Variants in EBLN1 observed in about 807,000 individuals in gnomAD.
The protein encoded by EBLN1 is endogenous Bornavirus-like nucleoprotein 1.
Under a neutral mutation model 0.8 loss-of-function variants are expected in EBLN1, and 1 was observed. The observed-to-expected ratio is 1.32, with a 90% CI of 0.47 to 6.26. EBLN1 has a LOEUF of 6.26. Ranked by LOEUF, EBLN1 falls within the 30% of genes most tolerant of loss-of-function variation. The pLI is 0.15. For synonymous variants in EBLN1, 158 were observed against 158.5 expected (o/e 1.00, Z 0.02); for missense variants, 396 against 447.9 (o/e 0.88, Z 1.05).
At position 22,210,094 on chromosome 10, in the gene EBLN1, T is replaced by A. The variant is rs540907515; in HGVS notation, c.-44-67A>T. 42 of 1,207,248 alleles carry A rather than the reference T, an allele frequency of 3.5e-5. No individual in the cohort carries two copies. In the East Asian group the frequency reaches 3.7e-4, roughly 11 times the overall value. The allele number at this position is 1,207,248 out of a possible 1,614,324, so 74.8% of individuals were successfully genotyped here. A position where few individuals can be genotyped will look rare whatever the true frequency, so the allele number is the denominator to read the frequency against. Reference sequence around the variant, plus strand: ...AAATTACATTTATTAATAAAATGTATTATGACTTCTGTATCTCATTTACTT... The same window carrying A: ...AAATTACATTTATTAATAAAATGTAATATGACTTCTGTATCTCATTTACTT... On this transcript the variant is annotated intron_variant, in intron 2 of 2. Coordinates refer to ENST00000422359, the MANE Select transcript of EBLN1 (RefSeq NM_001394757.1).
rs1834715888 is a variant in EBLN1 at position 22,208,797 on chromosome 10, T to C, written c.*86A>G. ...AGAGACAGACCAAGATTGAAAACAA[T>C]AGGCAACACTCAGATACTATTTTAG... On this transcript the variant is annotated 3_prime_UTR_variant, in exon 3 of 3. Coordinates refer to ENST00000422359, the MANE Select transcript of EBLN1 (RefSeq NM_001394757.1). 24 of 1,359,768 alleles carry C rather than the reference T, an allele frequency of 1.8e-5. No individual in the cohort carries two copies. In the South Asian group the frequency reaches 1.9e-4, roughly 11 times the overall value. The allele number at this position is 1,359,768 out of a possible 1,614,324, so 84.2% of individuals were successfully genotyped here. A position where few individuals can be genotyped will look rare whatever the true frequency, so the allele number is the denominator to read the frequency against.
intron 1 of EBLN1, among the ~76,000 whole-genome samples, chr10:22,214,616 G>A (rs1255999048): frequency 1.3e-5 from 2 of 152,140 alleles, no homozygotes; most frequent in African/African-American, 4.8e-5. Context: ...AATACTTTCT[G>A]CAAGTATACA....
chr10:22,210,086 A>G, intron 2 of EBLN1, 59 bp from the exon 3 acceptor site: 1 of 1,228,376 alleles, frequency 8.1e-7, no homozygotes, highest in Non-Finnish European at 1.0e-6. Context: ...ATTTATTAAT[A>G]AAATGTATTA....
chr10:22,214,766 A>G (rs1272005352), intron 1 of EBLN1, among the ~76,000 whole-genome samples: 2 of 152,176 alleles, frequency 1.3e-5, no homozygotes, highest in Non-Finnish European at 2.9e-5. Flanking sequence ...TTACCGTAGG[A>G]CCCACCAACT....
Position 22,209,111 on chromosome 10 carries a change from C to G in EBLN1, c.873G>C (p.Gly291=). Residue 291 remains glycine (G), a synonymous_variant, in exon 3 of 3, where the codon GGG becomes GGC. Transcript: ENST00000422359. The part of the protein sequence containing the change: ...FGGVLRHPVI[G]VLSPQMFPNL... ...TTGGGAACATTTGTGGTGATAGCAC[C>G]CCAATAACAGGGTGGCGAAGTACAC... 1 of 1,536,272 alleles carries G rather than the reference C, an allele frequency of 6.5e-7. No homozygotes were observed. The highest frequency in any genetic ancestry group is 8.7e-7 in the Non-Finnish European group (1 of 1,146,898).
intron 1 of EBLN1, among the ~76,000 whole-genome samples, chr10:22,214,884 A>G (rs1222204632): frequency 6.6e-6 from 1 of 152,124 alleles, no homozygotes; most frequent in Non-Finnish European, 1.5e-5. Context: ...AGTAGAAACA[A>G]CTCCAATATC....
In EBLN1 at chr10:22,209,232, G is replaced by C. The variant is rs1443058578; in HGVS notation, c.752C>G (p.Ser251Cys). 1.3e-6 allele frequency: 2 copies of C among 1,552,080 alleles called. No homozygotes were observed. Among genetic ancestry groups the C allele is most frequent in the African/African-American group, 2.7e-5 (2 of 73,762 alleles). ...CAACACAACAGCGGGTAAAGCAGTG[G>C]AACCATCCACACACTGATCCAGGAA... ...RMFLDQCVDG[S>C]TALPAVVLEI... The change falls in exon 3 of 3, where the codon TCC becomes TGC. Residue 251 changes from serine to cysteine, a missense_variant. Physicochemically the swap from Ser to Cys is moderately radical, Grantham distance 112 (BLOSUM62 -1). Transcript: ENST00000422359.
intron 2 of EBLN1, among the ~76,000 whole-genome samples, chr10:22,211,184 T>G (rs1474411625): frequency 6.6e-6 from 1 of 152,212 alleles, no homozygotes; most frequent in Non-Finnish European, 1.5e-5. Context: ...TTTTGTCATG[T>G]TCTTAACTGT....
chr10:22,214,543 T>G (rs1834777085), intron 1 of EBLN1, among the ~76,000 whole-genome samples: 1 of 152,148 alleles, frequency 6.6e-6, no homozygotes. Flanking sequence ...AATGTAGAAC[T>G]GAAAAATATT....
rs1024713275 is a variant in EBLN1, at chr10:22,209,666, A to G, written c.318T>C (p.Ile106=). ...VGVSKRSNIV[I]GNENKETGTL... ...TACCTGTTTCCTTGTTCTCATTCCCAATCACAATATTAGACCTTTTGCTCA... is the reference window on the plus strand; with the variant it reads ...TACCTGTTTCCTTGTTCTCATTCCCGATCACAATATTAGACCTTTTGCTCA... Residue 106 remains isoleucine, a synonymous_variant, in exon 3 of 3, where the codon ATT becomes ATC. Transcript: ENST00000422359. 5 of 1,535,850 alleles carry G rather than the reference A, an allele frequency of 3.3e-6. No homozygotes were observed. Among genetic ancestry groups the G allele is most frequent in the East Asian group, 2.4e-5 (1 of 40,916 alleles).
chr10:22,209,121 G>C lies in EBLN1; in HGVS notation c.863C>G (p.Pro288Arg). The C allele has an allele frequency of 6.5e-7, 1 of 1,536,200 alleles. No homozygotes were observed. The highest frequency in any genetic ancestry group is 8.7e-7 in the Non-Finnish European group (1 of 1,146,908). The change falls in exon 3 of 3, where the codon CCT (proline) becomes CGT (arginine). Residue 288 changes from proline to arginine, a missense_variant. By Grantham distance (103) the Pro-to-Arg change is moderately radical. Coordinates refer to ENST00000422359, the MANE Select transcript of EBLN1 (RefSeq NM_001394757.1). ...FFEFGGVLRH[P>R]VIGVLSPQMF... ...TTGTGGTGATAGCACCCCAATAACA[G>C]GGTGGCGAAGTACACCCCCAAATTC...
rs1186619157 is a variant in EBLN1 at position 22,212,406 on chromosome 10, G to A, written c.-45+436C>T. On this transcript the variant is annotated intron_variant, in intron 2 of 2. Coordinates refer to ENST00000422359, the MANE Select transcript of EBLN1 (RefSeq NM_001394757.1). ...CCTTATCTTATAAAATGCCGTAGCA[G>A]TAGGATACATATACTAAATAACCTT... Among the ~76,000 whole-genome samples the A allele has an allele frequency of 2.0e-5, 3 of 152,216 alleles. No individual in the cohort carries two copies. The East Asian group carries it at 5.8e-4, about 29-fold the overall frequency.
chr10:22,214,486 C>G (rs1406142307), intron 1 of EBLN1, among the ~76,000 whole-genome samples: 1 of 143,776 alleles, frequency 7.0e-6, no homozygotes, highest in Non-Finnish European at 1.5e-5. Flanking sequence ...TTTTAAAAAG[C>G]TTAGTAACAA....
chr10:22,209,096 T>C lies in EBLN1; in HGVS notation c.888A>G (p.Gln296=). 6.5e-7 allele frequency: 1 copy of C among 1,536,606 alleles called. No individual in the cohort carries two copies. Among genetic ancestry groups the C allele is most frequent in the Non-Finnish European group, 8.7e-7 (1 of 1,146,916 alleles). The change falls in exon 3 of 3, where the codon CAA becomes CAG. Residue 296 remains glutamine (Q), a synonymous_variant. Coordinates refer to ENST00000422359, the MANE Select transcript of EBLN1 (RefSeq NM_001394757.1). The part of the protein sequence containing the change: ...RHPVIGVLSP[Q]MFPNLATAAN... ...CTGCTGTTGCTAGGTTTGGGAACAT[T>C]TGTGGTGATAGCACCCCAATAACAG...
At position 22,209,626 on chromosome 10, in the gene EBLN1, T is replaced by C; in HGVS notation, c.358A>G (p.Lys120Glu). The C allele has an allele frequency of 6.5e-7, 1 of 1,535,932 alleles. No individual in the cohort carries two copies. Among genetic ancestry groups the C allele is most frequent in the Non-Finnish European group, 8.7e-7 (1 of 1,146,984 alleles). ...AAGGTAGGCAAAACATCTTCAAATT[T>C]GCTAGCATAGAGAGTACCTGTTTCC... ...NKETGTLYAS[K>E]FEDVLPTFTA... Residue 120 changes from lysine to glutamate, a missense_variant, in exon 3 of 3, where the codon AAA becomes GAA. Lys to Glu is a moderately conservative substitution (Grantham distance 56, BLOSUM62 1). Transcript: ENST00000422359.
intron 2 of EBLN1, among the ~76,000 whole-genome samples, chr10:22,212,017 T>C (rs1431683089): frequency 6.6e-6 from 1 of 152,232 alleles, no homozygotes; most frequent in Admixed American, 6.5e-5. Context: ...TTATTGTGAA[T>C]AGGTATCTTC....
At chr10:22,214,316 T>TTC (rs1170689451) in intron 1 of EBLN1, among the ~76,000 whole-genome samples, 6 of 151,150 alleles carry the variant, frequency 4.0e-5, no homozygotes, top group African/African-American at 1.2e-4. Flanking sequence ...TTTTTTTTTT[T>TTC]TGAGACAAGG....
intron 1 of EBLN1, among the ~76,000 whole-genome samples, chr10:22,216,083 C>T (rs78385920): frequency 0.022 from 3,402 of 151,976 alleles, 147 homozygotes; most frequent in African/African-American, 0.075. Flanking sequence ...AAGCACTATA[C>T]GATGTGTGGT....
At chr10:22,215,742 T>TA (rs909635261) in intron 1 of EBLN1, among the ~76,000 whole-genome samples, 1 of 151,898 alleles carries the variant, frequency 6.6e-6, no homozygotes, top group African/African-American at 2.4e-5. Context: ...AAGAAAAAAA[T>TA]ATTTATATAC....
Sources: allele counts gnomAD v4.1 joint callset (sites outside exome capture counted in the v4.1 genomes callset), GRCh38; gene constraint gnomAD v4.1.1; transcripts MANE v1.5; gene names NCBI Gene and HGNC (gene_info 2026-07-23, HGNC 2026-07-21).